The following TMC1 variants were observed in gnomAD, a reference collection of about 807,000 sequenced individuals.
TMC1 encodes transmembrane channel-like protein 1.
A neutral mutation model predicts 105.8 loss-of-function variants in TMC1; 84 were observed. The ratio of observed to expected loss-of-function variants is 0.79; its 90% CI spans 0.67 to 0.95. The LOEUF is 0.95. Ranked by LOEUF, TMC1 falls within the 40% of genes least tolerant of loss-of-function variation. The pLI, the probability that TMC1 is intolerant of heterozygous loss-of-function variation, is 0.00. For missense variants in TMC1, 817 were observed against 914.1 expected (o/e 0.89, Z 1.37); for synonymous variants, 315 against 311.5 (o/e 1.01, Z -0.12).
At chr9:72,772,367 T>C in intron 12 of TMC1, 46 bp from the exon 13 acceptor site, 1 of 1,613,012 alleles carries the variant, frequency 6.2e-7, no homozygotes, top group Non-Finnish European at 8.5e-7. Context: ...TTCCTTTGAG[T>C]TGCTCTTCAC....
chr9:72,791,955 G>T lies in TMC1; in HGVS notation c.1294G>T (p.Asp432Tyr), dbSNP rs1161511210. Residue 432 changes from aspartate (D) to tyrosine (Y), a missense_variant, in exon 16 of 24, where the codon GAC becomes TAC. Asp to Tyr is a radical substitution (Grantham distance 160). Transcript: ENST00000297784. Reference sequence around the variant, plus strand: ...GTTTGACTTATTTGCTGAATTAGAAGACTACCATCCTCTCATCGCTTTGAA... The same window carrying T: ...GTTTGACTTATTTGCTGAATTAGAATACTACCATCCTCTCATCGCTTTGAA... ...TLFDLFAELEDYHPLIALKWL... is the reference protein window; with the variant it reads ...TLFDLFAELEYYHPLIALKWL... 6.2e-7 allele frequency: 1 copy of T among 1,613,932 alleles called. No individual in the cohort carries two copies. The highest frequency in any genetic ancestry group is 1.1e-5 in the South Asian group (1 of 91,052).
rs397946870 is a variant in TMC1, at chr9:72,570,265, G to GT, written c.-427-7637_-427-7636insT. On this transcript the variant is annotated intron_variant, in intron 1 of 23. Coordinates refer to ENST00000297784, the MANE Select transcript of TMC1 (RefSeq NM_138691.3). ...TGTGTGTGTGTGTGTGTGTGTGTGT[G>GT]GTAAATACTTATATACAAATTTCTT... 1.7e-4 allele frequency among the ~76,000 whole-genome samples: 25 copies of GT among 146,530 alleles called. No individual in the cohort carries two copies. The Middle Eastern group carries it at 0.01, about 61-fold the overall frequency.
chr9:72,611,874 C>A (rs941430366), intron 2 of TMC1, among the ~76,000 whole-genome samples: 2 of 152,048 alleles, frequency 1.3e-5, no homozygotes, highest in African/African-American at 4.8e-5. Flanking sequence ...TGTGCTTTGA[C>A]CAGTTTTGTA....
intron 2 of TMC1, among the ~76,000 whole-genome samples, chr9:72,607,002 T>TATATATATAGAGAGAGAGAGAG (rs372785242): frequency 2.3e-4 from 31 of 134,966 alleles, no homozygotes; most frequent in Non-Finnish European, 4.1e-4. Flanking sequence ...TATATATATA[T>TATATATATAGAGAGAGAGAGAG]AGAGAGAGAG....
At chr9:72,597,182 A>T (rs1011599466) in intron 2 of TMC1, among the ~76,000 whole-genome samples, 1 of 152,248 alleles carries the variant, frequency 6.6e-6, no homozygotes, top group Non-Finnish European at 1.5e-5. Flanking sequence ...GGCTCTTTAG[A>T]GAAGCACATT....
At chr9:72,540,008 C>T (rs904024706) in intron 1 of TMC1, among the ~76,000 whole-genome samples, 1 of 151,980 alleles carries the variant, frequency 6.6e-6, no homozygotes, top group Non-Finnish European at 1.5e-5. Flanking sequence ...AGAGGAAGAG[C>T]GTGAGAGGAG....
At chr9:72,582,695 C>G (rs531912636) in intron 2 of TMC1, among the ~76,000 whole-genome samples, 1 of 152,296 alleles carries the variant, frequency 6.6e-6, no homozygotes, top group Non-Finnish European at 1.5e-5. Flanking sequence ...TAATAACACT[C>G]TTGATTTTGA....
intron 5 of TMC1, among the ~76,000 whole-genome samples, chr9:72,673,481 G>T (rs1320842912): frequency 1.3e-5 from 2 of 151,970 alleles, no homozygotes; most frequent in Non-Finnish European, 2.9e-5. Context: ...AATTTATCAA[G>T]AAGAAACGAT....
At chr9:72,632,816 G>T (rs570418630) in intron 4 of TMC1, among the ~76,000 whole-genome samples, 28 of 152,190 alleles carry the variant, frequency 1.8e-4, no homozygotes, top group Non-Finnish European at 3.2e-4. Flanking sequence ...TGCGAATAAA[G>T]AAACCAAAAT....
intron 14 of TMC1, 62 bp from the exon 15 acceptor site, chr9:72,789,061 A>C: frequency 3.9e-6 from 6 of 1,528,256 alleles, no homozygotes; most frequent in Middle Eastern, 2.3e-4. Context: ...TGATACTTTT[A>C]AAATGTAGCT....
chr9:72,588,886 C>T (rs770517211), intron 2 of TMC1, among the ~76,000 whole-genome samples: 2 of 151,918 alleles, frequency 1.3e-5, no homozygotes, highest in Non-Finnish European at 1.5e-5. Context: ...AGTGATTCTC[C>T]TGCCTCAGCC....
chr9:72,798,236 G>A (rs913029159), intron 17 of TMC1, among the ~76,000 whole-genome samples: 7 of 152,130 alleles, frequency 4.6e-5, no homozygotes, highest in African/African-American at 1.7e-4. Context: ...CAAGGTCGCA[G>A]AGAAAAAGGA....
At chr9:72,834,981 T>C (rs1040832639) in intron 23 of TMC1, among the ~76,000 whole-genome samples, 75 of 152,310 alleles carry the variant, frequency 4.9e-4, no homozygotes, top group African/African-American at 1.7e-3. Context: ...TAAATTATGT[T>C]GCTTACTGTC....
At chr9:72,628,250 C>A in intron 4 of TMC1, 187 bp downstream of exon 4, 1 of 300,988 alleles carries the variant, frequency 3.3e-6, no homozygotes, top group Admixed American at 4.0e-5. Flanking sequence ...GCATGTGGGA[C>A]TTAAAAACAG....
At chr9:72,797,209 A>T (rs1179478755) in intron 17 of TMC1, among the ~76,000 whole-genome samples, 1 of 152,178 alleles carries the variant, frequency 6.6e-6, no homozygotes, top group African/African-American at 2.4e-5. Flanking sequence ...TGCTCAAGGA[A>T]ATCAGAGAGG....
intron 1 of TMC1, among the ~76,000 whole-genome samples, chr9:72,560,223 C>A (rs908159674): frequency 2.6e-5 from 4 of 152,166 alleles, no homozygotes; most frequent in Non-Finnish European, 2.9e-5. Context: ...TAGATAAAAA[C>A]AATTATGTCA....
chr9:72,623,051 CA>C (rs10644935), intron 3 of TMC1, among the ~76,000 whole-genome samples: 9 of 129,296 alleles, frequency 7.0e-5, no homozygotes, highest in Non-Finnish European at 8.2e-5. Flanking sequence ...GACTCCATCT[CA>C]AAAAAAAAAA....
chr9:72,827,916 A>G (rs1179422868), intron 21 of TMC1, among the ~76,000 whole-genome samples: 1 of 152,228 alleles, frequency 6.6e-6, no homozygotes, highest in Non-Finnish European at 1.5e-5. Context: ...GTAAATGAGC[A>G]GGGATTGTGA....
intron 2 of TMC1, among the ~76,000 whole-genome samples, chr9:72,591,826 T>C (rs1029899847): frequency 6.6e-6 from 1 of 152,160 alleles, no homozygotes; most frequent in African/African-American, 2.4e-5. Context: ...CTCCTTGGCC[T>C]CCCAAAGTGC....
Sources: allele counts gnomAD v4.1 joint callset (sites outside exome capture counted in the v4.1 genomes callset), GRCh38; gene constraint gnomAD v4.1.1; transcripts MANE v1.5; gene names NCBI Gene and HGNC (gene_info 2026-07-23, HGNC 2026-07-21).